CD200R1: variants seen among roughly 807,000 people sequenced by gnomAD.
CD200R1 encodes cell surface glycoprotein CD200 receptor 1.
In CD200R1, 30 loss-of-function variants were observed where a neutral mutation model predicts 38.1. The observed-to-expected ratio is 0.79, with a 90% confidence interval of 0.59 to 1.07. The LOEUF (loss-of-function observed/expected upper bound fraction) is 1.07, where lower values mean the gene tolerates loss of function less well. Ranked by LOEUF, CD200R1 falls within the 50% of genes least tolerant of loss-of-function variation. The pLI is 0.00. For synonymous variants in CD200R1, 128 were observed against 152.1 expected (o/e 0.84, Z 1.16); for missense variants, 372 against 415.4 (o/e 0.90, Z 0.91).
intron 1 of CD200R1, among the ~76,000 whole-genome samples, chr3:112,967,943 A>G (rs1227579516): frequency 6.6e-6 from 1 of 152,238 alleles, no homozygotes; most frequent in Non-Finnish European, 1.5e-5. Flanking sequence ...AAGATTTTTA[A>G]TTTGAAGGTT....
intron 1 of CD200R1, among the ~76,000 whole-genome samples, chr3:112,953,162 C>T (rs951995315): frequency 1.3e-5 from 2 of 152,064 alleles, no homozygotes; most frequent in South Asian, 2.1e-4. Flanking sequence ...GAATTTTTAT[C>T]ATGAAAGGAT....
intron 2 of CD200R1, among the ~76,000 whole-genome samples, chr3:112,936,747 G>A (rs899480178): frequency 4.6e-5 from 7 of 152,082 alleles, no homozygotes; most frequent in Non-Finnish European, 8.8e-5. Flanking sequence ...CCATTCTGTA[G>A]GTTGTCTGTT....
chr3:112,964,325 C>T (rs1933101356), intron 1 of CD200R1, among the ~76,000 whole-genome samples: 1 of 152,178 alleles, frequency 6.6e-6, no homozygotes, highest in Non-Finnish European at 1.5e-5. Context: ...CACTCTGCCC[C>T]TGTAAAGGTC....
intron 1 of CD200R1, 143 bp from the exon 2 acceptor site, chr3:112,948,067 A>G (rs1440697322): frequency 1.1e-5 from 7 of 658,484 alleles, no homozygotes; most frequent in Non-Finnish European, 1.4e-5. Flanking sequence ...ATGACAGCCA[A>G]GCAAAAGTCT....
chr3:112,924,864 T>C (rs575114887), intron 6 of CD200R1, among the ~76,000 whole-genome samples: 105 of 152,234 alleles, frequency 6.9e-4, no homozygotes, highest in African/African-American at 2.4e-3. Context: ...CCCAAGATCC[T>C]ACCCTAAATG....
At chr3:112,952,552 C>T (rs527995198) in intron 1 of CD200R1, among the ~76,000 whole-genome samples, 22 of 152,040 alleles carry the variant, frequency 1.4e-4, no homozygotes, top group East Asian at 1.2e-3. Context: ...AACCAAACAC[C>T]GCATATTCTC....
intron 1 of CD200R1, among the ~76,000 whole-genome samples, chr3:112,958,950 C>A (rs1312760846): frequency 6.6e-6 from 1 of 151,994 alleles, no homozygotes; most frequent in Non-Finnish European, 1.5e-5. Flanking sequence ...ACAGGCATGA[C>A]CCTGCAGACC....
Position 112,925,090 on chromosome 3 carries a change from G to A in CD200R1, c.873C>T (p.Gly291=), listed in dbSNP as rs746969539. The part of the protein sequence containing the change: ...VGFIWLLKVN[G]CRKYKLNKTE... The stretch of plus-strand genomic sequence containing the variant: ...AAACATTCATTAGTCAATACCTGCA[G>A]CCATTGACTTTCAACAACCAAATGA... The change falls in exon 6 of 8, where the codon GGC becomes GGT. Residue 291 remains glycine, a synonymous_variant. Transcript: ENST00000308611. 70 of 1,553,116 alleles carry A rather than the reference G, an allele frequency of 4.5e-5. No homozygotes were observed. In the East Asian group the frequency reaches 7.4e-4, roughly 17 times the overall value.
chr3:112,952,870 A>G lies in CD200R1; in HGVS notation c.68-4946T>C, dbSNP rs917466329. On this transcript the variant is annotated intron_variant, in intron 1 of 7. Coordinates refer to ENST00000308611, the MANE Select transcript of CD200R1 (RefSeq NM_138806.4). ...TAAGACCATGTTGTCTGCAAACAGG[A>G]ACAATTTGACTTCTTTATTTTCTAT... Among the ~76,000 whole-genome samples, 3 of 152,138 alleles carry G rather than the reference A, an allele frequency of 2.0e-5. No homozygotes were observed. The East Asian group carries it at 5.8e-4, about 29-fold the overall frequency.
chr3:112,969,358 CACT>C (rs1224440810), intron 1 of CD200R1, among the ~76,000 whole-genome samples: 1 of 152,090 alleles, frequency 6.6e-6, no homozygotes, highest in East Asian at 1.9e-4. Context: ...AGCAGACCTA[CACT>C]ACTAGAAACA....
intron 2 of CD200R1, among the ~76,000 whole-genome samples, chr3:112,937,807 T>C (rs541483962): frequency 9.8e-5 from 15 of 152,348 alleles, no homozygotes; most frequent in African/African-American, 3.6e-4. Flanking sequence ...ACAATATTGA[T>C]TCTTCCTATC....
chr3:112,973,195 A>C (rs1270475533), intron 1 of CD200R1, among the ~76,000 whole-genome samples: 1 of 152,154 alleles, frequency 6.6e-6, no homozygotes, highest in African/African-American at 2.4e-5. Flanking sequence ...CTCCTTGCCT[A>C]TCTGGCTGCC....
Position 112,923,801 on chromosome 3 carries a change from T to C in CD200R1, c.925-2A>G, listed in dbSNP as rs1261896157. On this transcript the variant is annotated splice_acceptor_variant, in intron 7 of 7. Coordinates refer to ENST00000308611, the MANE Select transcript of CD200R1 (RefSeq NM_138806.4). LOFTEE classifies it high-confidence loss of function. ...GCTGGCATAGGGCTGCATTTCATCC[T>C]AAGAAAGAACTCAAAGTTAAAATCA... The C allele has an allele frequency of 1.3e-6, 2 of 1,555,208 alleles. No individual in the cohort carries two copies. Among genetic ancestry groups the C allele is most frequent in the African/African-American group, 1.4e-5 (1 of 71,992 alleles).
chr3:112,952,568 T>C (rs953273044), intron 1 of CD200R1, among the ~76,000 whole-genome samples: 1 of 151,766 alleles, frequency 6.6e-6, no homozygotes, highest in African/African-American at 2.4e-5. Flanking sequence ...TTCTCACTCA[T>C]AGGTGGGAAT....
chr3:112,958,469 T>C (rs1376924186), intron 1 of CD200R1, among the ~76,000 whole-genome samples: 4 of 152,080 alleles, frequency 2.6e-5, no homozygotes, highest in Non-Finnish European at 5.9e-5. Flanking sequence ...TGCCCGCAAA[T>C]GAGGATGAAG....
intron 2 of CD200R1, among the ~76,000 whole-genome samples, chr3:112,942,189 G>T (rs1940743047): frequency 6.6e-6 from 1 of 151,538 alleles, no homozygotes; most frequent in African/African-American, 2.4e-5. Flanking sequence ...ATTAAAACTT[G>T]CATTTTTCTT....
chr3:112,945,308 G>A (rs1162677110), intron 2 of CD200R1, among the ~76,000 whole-genome samples: 7 of 152,088 alleles, frequency 4.6e-5, no homozygotes, highest in African/African-American at 1.7e-4. Context: ...GACACTATTC[G>A]ACTTCAAGAT....
Position 112,944,644 on chromosome 3 carries a change from A to G in CD200R1, c.136+3212T>C, listed in dbSNP as rs547350879. ...ACCACTGGAATTTCTAACTAATGCA[A>G]TAAGACAAGAAAAAATAAATAAAAG... On this transcript the variant is annotated intron_variant, in intron 2 of 7. Coordinates refer to ENST00000308611, the MANE Select transcript of CD200R1 (RefSeq NM_138806.4). Among the ~76,000 whole-genome samples, 97 of 152,182 alleles carry G rather than the reference A, an allele frequency of 6.4e-4. 1 individual carries two copies. In the South Asian group the frequency reaches 0.017, roughly 26 times the overall value.
chr3:112,942,812 G>A (rs1197958430), intron 2 of CD200R1, among the ~76,000 whole-genome samples: 1 of 151,516 alleles, frequency 6.6e-6, no homozygotes, highest in Middle Eastern at 3.2e-3. Flanking sequence ...TAATCAAAAG[G>A]AAATGGAAGT....
Sources: allele counts gnomAD v4.1 joint callset (sites outside exome capture counted in the v4.1 genomes callset), GRCh38; gene constraint gnomAD v4.1.1; transcripts MANE v1.5; gene names NCBI Gene and HGNC (gene_info 2026-07-23, HGNC 2026-07-21).